TCERG1L: variants seen among roughly 807,000 people sequenced by gnomAD.
TCERG1L encodes transcription elongation regulator 1 like, also known as transcription elongation regulator 1-like protein.
In TCERG1L, 37 loss-of-function variants were observed where a neutral mutation model predicts 56.3. That is an observed-to-expected ratio of 0.66 (90% confidence interval 0.51 to 0.87). The LOEUF (loss-of-function observed/expected upper bound fraction) is 0.87, where lower values mean the gene tolerates loss of function less well. Among genes scored for constraint, TCERG1L ranks in the 40% least tolerant of loss-of-function variants. The pLI, the probability that TCERG1L is intolerant of heterozygous loss-of-function variation, is 0.00. For missense variants in TCERG1L, 799 were observed against 774.2 expected (o/e 1.03, Z -0.38); for synonymous variants, 324 against 326.3 (o/e 0.99, Z 0.08).
intron 9 of TCERG1L, among the ~76,000 whole-genome samples, chr10:131,115,454 C>T (rs1845448361): frequency 6.6e-6 from 1 of 152,258 alleles, no homozygotes; most frequent in Admixed American, 6.5e-5. Context: ...TTTAAAATAA[C>T]ATTTTTTGAA....
Position 131,166,507 on chromosome 10 carries a change from T to G in TCERG1L, c.945+290A>C, listed in dbSNP as rs112261579. On this transcript the variant is annotated intron_variant, in intron 5 of 11. Coordinates refer to ENST00000368642, the MANE Select transcript of TCERG1L (RefSeq NM_174937.4). ...GGTGTCTGAGTTTGACTACCTTGTG[T>G]GTCTTCTCTTCCTTCTGAAAATGGA... is the stretch of plus-strand genomic sequence containing the variant. 2.2e-3 allele frequency among the ~76,000 whole-genome samples: 338 copies of G among 152,390 alleles called. 3 individuals carry two copies. Among genetic ancestry groups the G allele is most frequent in the African/African-American group, 7.7e-3 (321 of 41,596 alleles).
At position 131,254,302 on chromosome 10, in the gene TCERG1L, A is replaced by AATATATATATATATATATATATATAT. The variant is rs57689050; in HGVS notation, c.856+5956_856+5957insATATATATATATATATATATATATAT. ...CCAGAGCAGGCAATCACTGGATTTA[A>AATATATATATATATATATATATATAT]ATATATATATATATATATAGTAAGT... is the stretch of plus-strand genomic sequence containing the variant. On this transcript the variant is annotated intron_variant, in intron 4 of 11. Transcript: ENST00000368642. Among the ~76,000 whole-genome samples the AATATATATATATATATATATATATAT allele has an allele frequency of 1.1e-3, 153 of 142,706 alleles. 1 individual carries two copies. The highest frequency in any genetic ancestry group is 4.2e-3 in the East Asian group (20 of 4,780). The allele number at this position is 142,706 out of a possible 152,430, so 93.6% of individuals were successfully genotyped here. A position where few individuals can be genotyped will look rare whatever the true frequency, so the allele number is the denominator to read the frequency against.
At chr10:131,207,369 C>T (rs1207816455) in intron 4 of TCERG1L, among the ~76,000 whole-genome samples, 1 of 152,206 alleles carries the variant, frequency 6.6e-6, no homozygotes, top group Admixed American at 6.5e-5. Flanking sequence ...CGAGGCTTTG[C>T]TGCCCAGGAG....
At chr10:131,176,564 A>G in intron 4 of TCERG1L, among the ~76,000 whole-genome samples, 1 of 151,594 alleles carries the variant, frequency 6.6e-6, no homozygotes, top group Non-Finnish European at 1.5e-5. Flanking sequence ...GCACATACAA[A>G]GAGGCACGTG....
chr10:131,280,781 TCTCAGAG>T (rs1846443189), intron 3 of TCERG1L, among the ~76,000 whole-genome samples: 1 of 152,106 alleles, frequency 6.6e-6, no homozygotes, highest in African/African-American at 2.4e-5. Context: ...ACCCAGGTAG[TCTCAGAG>T]ATGCACCCGA....
At chr10:131,159,580 G>C (rs1329206475) in intron 6 of TCERG1L, among the ~76,000 whole-genome samples, 1 of 152,190 alleles carries the variant, frequency 6.6e-6, no homozygotes, top group Admixed American at 6.5e-5. Flanking sequence ...GTGTCTCCAT[G>C]AGACCCTGGC....
intron 3 of TCERG1L, among the ~76,000 whole-genome samples, chr10:131,286,853 G>A (rs527779977): frequency 3.3e-5 from 5 of 152,268 alleles, no homozygotes; most frequent in East Asian, 1.9e-4. Context: ...CGGCACTGCC[G>A]TTCCCACATG....
chr10:131,236,392 C>T (rs1264404413), intron 4 of TCERG1L, among the ~76,000 whole-genome samples: 1 of 152,206 alleles, frequency 6.6e-6, no homozygotes, highest in Non-Finnish European at 1.5e-5. Context: ...CAATGGACCA[C>T]ATGACACAGC....
rs148694675 is a variant in TCERG1L at position 131,187,566 on chromosome 10, C to T, written c.857-20681G>A. ...TGGGGCAGATCTGTGAGTAGATGGC[C>T]TCCCATCCTCTTGCATTTCATTCTT... On this transcript the variant is annotated intron_variant, in intron 4 of 11. Transcript: ENST00000368642. Among the ~76,000 whole-genome samples, 74 of 152,296 alleles carry T rather than the reference C, an allele frequency of 4.9e-4. 3 individuals carry two copies. In the East Asian group the frequency reaches 0.014, roughly 28 times the overall value.
In TCERG1L at chr10:131,233,895, G is replaced by A. The variant is rs185615164; in HGVS notation, c.856+26364C>T. ...TGTTCTCTGTAGTGAATGCATTCTC[G>A]CTCTGGACAGACTAGATTATTTTTG... is the stretch of plus-strand genomic sequence containing the variant. On this transcript the variant is annotated intron_variant, in intron 4 of 11. Coordinates refer to ENST00000368642, the MANE Select transcript of TCERG1L (RefSeq NM_174937.4). Among the ~76,000 whole-genome samples the A allele has an allele frequency of 3.2e-4, 49 of 152,248 alleles. 1 individual carries two copies. Among genetic ancestry groups the A allele is most frequent in the Admixed American group, 2.6e-3 (40 of 15,300 alleles).
At chr10:131,164,993 A>C (rs1369842219) in intron 5 of TCERG1L, among the ~76,000 whole-genome samples, 1 of 152,230 alleles carries the variant, frequency 6.6e-6, no homozygotes, top group Non-Finnish European at 1.5e-5. Flanking sequence ...AGCTGCTTTC[A>C]AACAGGGTGC....
chr10:131,115,331 A>G (rs1328833567), intron 9 of TCERG1L, among the ~76,000 whole-genome samples: 2 of 152,274 alleles, frequency 1.3e-5, no homozygotes, highest in African/African-American at 4.8e-5. Context: ...GGGAGAAACT[A>G]CAACAAAGAC....
intron 1 of TCERG1L, 102 bp from the exon 2 acceptor site, chr10:131,309,401 A>G (rs779912151): frequency 7.0e-6 from 10 of 1,430,742 alleles, no homozygotes; most frequent in Admixed American, 2.7e-5. Flanking sequence ...GGGAATTTCA[A>G]AATGTATGTA....
intron 6 of TCERG1L, 35 bp from the exon 7 acceptor site, chr10:131,146,695 CG>C (rs1678572547): frequency 1.9e-6 from 3 of 1,584,050 alleles, no homozygotes. Flanking sequence ...CAGTCGCTCT[CG>C]GAGACACTTA....
intron 4 of TCERG1L, among the ~76,000 whole-genome samples, chr10:131,185,286 G>C (rs1845223869): frequency 6.6e-6 from 1 of 152,136 alleles, no homozygotes; most frequent in Non-Finnish European, 1.5e-5. Context: ...AAGAATGTCA[G>C]AAAGATTTTA....
At chr10:131,208,218 T>C (rs1276758452) in intron 4 of TCERG1L, among the ~76,000 whole-genome samples, 2 of 152,202 alleles carry the variant, frequency 1.3e-5, no homozygotes, top group African/African-American at 4.8e-5. Flanking sequence ...AGCTTCCAAA[T>C]TCAACACCCC....
At chr10:131,243,600 C>T (rs574765387) in intron 4 of TCERG1L, among the ~76,000 whole-genome samples, 1 of 152,294 alleles carries the variant, frequency 6.6e-6, no homozygotes, top group African/African-American at 2.4e-5. Context: ...AATACACATG[C>T]ACACTGCGGC....
chr10:131,145,832 G>A (rs369469975), intron 7 of TCERG1L, among the ~76,000 whole-genome samples: 8 of 152,342 alleles, frequency 5.3e-5, no homozygotes, highest in East Asian at 1.9e-4. Flanking sequence ...AGTCAAGACC[G>A]TTTGAATCCA....
intron 3 of TCERG1L, among the ~76,000 whole-genome samples, chr10:131,300,509 C>T (rs1433698122): frequency 6.6e-6 from 1 of 152,134 alleles, no homozygotes; most frequent in Non-Finnish European, 1.5e-5. Flanking sequence ...AGGAGTTCAT[C>T]AAAGTAATTT....
Sources: allele counts gnomAD v4.1 joint callset (sites outside exome capture counted in the v4.1 genomes callset), GRCh38; gene constraint gnomAD v4.1.1; transcripts MANE v1.5; gene names NCBI Gene and HGNC (gene_info 2026-07-23, HGNC 2026-07-21).